MEGF11: variants seen among roughly 807,000 people sequenced by gnomAD.
MEGF11 encodes the protein multiple EGF like domains 11.
A neutral mutation model predicts 146.6 loss-of-function variants in MEGF11; 126 were observed. That is an observed-to-expected ratio of 0.86 (90% CI 0.74 to 1.00). The LOEUF is 1.00. Ranked by LOEUF, MEGF11 falls within the 50% of genes least tolerant of loss-of-function variation. MEGF11 has a pLI of 0.00. For missense variants in MEGF11, 1,509 were observed against 1,521.2 expected, an observed-to-expected ratio of 0.99 and a Z score of 0.13; for synonymous variants, 532 against 583.4, an observed-to-expected ratio of 0.91 and a Z score of 1.27.
chr15:66,238,243 G>A (rs551488992), intron 1 of MEGF11, among the ~76,000 whole-genome samples: 2 of 151,080 alleles, frequency 1.3e-5, no homozygotes, highest in African/African-American at 4.9e-5. Context: ...AGCTGATCTA[G>A]GCCAGAAACG....
chr15:65,924,120 AG>A (rs1408250545), intron 13 of MEGF11, among the ~76,000 whole-genome samples: 2 of 152,060 alleles, frequency 1.3e-5, no homozygotes, highest in Admixed American at 6.5e-5. Flanking sequence ...GCAGCAGGAG[AG>A]CAGTGGGACC....
intron 5 of MEGF11, among the ~76,000 whole-genome samples, chr15:65,993,101 C>T (rs1387556720): frequency 1.3e-5 from 2 of 152,184 alleles, no homozygotes; most frequent in African/African-American, 2.4e-5. Context: ...TACCTGCGCT[C>T]CCGGCAGGAG....
intron 5 of MEGF11, among the ~76,000 whole-genome samples, chr15:66,029,606 G>A (rs1468129200): frequency 6.6e-6 from 1 of 152,212 alleles, no homozygotes; most frequent in East Asian, 1.9e-4. Context: ...TGATGGTGGG[G>A]TCTTTCCCCT....
intron 1 of MEGF11, among the ~76,000 whole-genome samples, chr15:66,164,058 G>C (rs1295334107): frequency 6.6e-6 from 1 of 152,120 alleles, no homozygotes; most frequent in African/African-American, 2.4e-5. Flanking sequence ...ATGAGAGAAG[G>C]TTGTCTACCT....
chr15:66,090,849 T>C (rs1029862003), intron 5 of MEGF11, among the ~76,000 whole-genome samples: 1 of 152,222 alleles, frequency 6.6e-6, no homozygotes, highest in African/African-American at 2.4e-5. Context: ...CAGCAAGTTA[T>C]AGACTAGCTC....
chr15:65,967,647 C>G (rs1353444355), intron 8 of MEGF11, among the ~76,000 whole-genome samples: 2 of 152,078 alleles, frequency 1.3e-5, no homozygotes, highest in Admixed American at 1.3e-4. Flanking sequence ...TGTGGGGCAC[C>G]AGCCTTGGCA....
chr15:65,922,199 A>T, intron 15 of MEGF11, 139 bp downstream of exon 15: 1 of 1,027,528 alleles, frequency 9.7e-7, no homozygotes. Context: ...CAATTCTCAT[A>T]AAGGCAGCCC....
In MEGF11 at chr15:65,906,072, T is replaced by A; in HGVS notation, c.3055+13A>T. 1 of 1,604,520 alleles carries A rather than the reference T, an allele frequency of 6.2e-7. No individual in the cohort carries two copies. On this transcript the variant is annotated intron_variant, in intron 24 of 25. Transcript: ENST00000395614. ...AGCCCTCTGTAATAAGACAGCAGGA[T>A]TGGATACTCTACCTTTGAAGCCTTT...
chr15:65,965,600 C>CTTTCTTTCTTTCTTTCTTTCT (rs1555456992), intron 8 of MEGF11, among the ~76,000 whole-genome samples: 1 of 18,880 alleles, frequency 5.3e-5, no homozygotes, highest in African/African-American at 2.2e-4. Context: ...TTCTTTCTTT[C>CTTTCTTTCTTTCTTTCTTTCT]TTTTTTTTTT....
At chr15:66,194,604 C>T (rs979668315) in intron 1 of MEGF11, among the ~76,000 whole-genome samples, 1 of 148,672 alleles carries the variant, frequency 6.7e-6, no homozygotes, top group African/African-American at 2.5e-5. Context: ...AGCAAGACTC[C>T]GTCTCAAAAA....
At chr15:65,969,948 C>T (rs1017160640) in intron 8 of MEGF11, among the ~76,000 whole-genome samples, 1 of 152,112 alleles carries the variant, frequency 6.6e-6, no homozygotes, top group Non-Finnish European at 1.5e-5. Flanking sequence ...GCTGTTTCTC[C>T]CTTTTCCTCT....
intron 7 of MEGF11, among the ~76,000 whole-genome samples, chr15:65,979,531 C>T (rs561139574): frequency 2.0e-4 from 31 of 152,316 alleles, no homozygotes; most frequent in Non-Finnish European, 3.8e-4. Flanking sequence ...TGGACTGTGT[C>T]GCTGAGCTTC....
At chr15:65,904,836 C>G (rs1217907858) in intron 24 of MEGF11, among the ~76,000 whole-genome samples, 1 of 152,148 alleles carries the variant, frequency 6.6e-6, no homozygotes, top group Non-Finnish European at 1.5e-5. Context: ...CCAGGTGATT[C>G]TGGTACACTG....
intron 8 of MEGF11, chr15:65,967,074 A>G (rs1187508400): frequency 6.6e-6 from 1 of 152,212 alleles, no homozygotes; most frequent in Non-Finnish European, 1.5e-5. Flanking sequence ...GAACTAACCT[A>G]AAGCTCTGAC....
chr15:65,985,902 G>A (rs2081838532), intron 5 of MEGF11, among the ~76,000 whole-genome samples: 1 of 151,698 alleles, frequency 6.6e-6, no homozygotes. Context: ...TCACAACACA[G>A]ACTGGCATGT....
intron 24 of MEGF11, among the ~76,000 whole-genome samples, chr15:65,899,678 A>G (rs2141130203): frequency 6.6e-6 from 1 of 152,340 alleles, no homozygotes; most frequent in Middle Eastern, 3.4e-3. Flanking sequence ...AGGTGTAAAA[A>G]GCACGTCAGT....
chr15:66,168,165 C>A (rs1010995160), intron 1 of MEGF11, among the ~76,000 whole-genome samples: 2 of 152,028 alleles, frequency 1.3e-5, no homozygotes, highest in Admixed American at 1.3e-4. Flanking sequence ...CTCGTCTTCT[C>A]CTTGCTCACC....
chr15:66,122,287 A>C (rs1029855122), intron 3 of MEGF11, among the ~76,000 whole-genome samples: 31 of 151,736 alleles, frequency 2.0e-4, no homozygotes, highest in African/African-American at 1.9e-4. Flanking sequence ...CCTATGCAGA[A>C]AAAAAAAAGC....
intron 4 of MEGF11, among the ~76,000 whole-genome samples, chr15:66,109,480 C>G (rs1163712599): frequency 6.6e-6 from 1 of 152,208 alleles, no homozygotes; most frequent in Non-Finnish European, 1.5e-5. Context: ...GCCAGGCCCT[C>G]TACTAAATGC....
Sources: gnomAD v4.1 joint callset for allele counts (sites outside exome capture counted in the v4.1 genomes callset) on GRCh38, gnomAD v4.1.1 for gene constraint, MANE v1.5 for transcripts, NCBI Gene and HGNC (gene_info 2026-07-23, HGNC 2026-07-21) for gene names.